Variants in DNAH5 observed in about 807,000 individuals in gnomAD.
DNAH5 encodes the protein dynein axonemal heavy chain 5.
Under a neutral mutation model 518.2 loss-of-function variants are expected in DNAH5, and 372 were observed. That is an observed-to-expected ratio of 0.72 (90% CI 0.66 to 0.78). The LOEUF is 0.78. Ranked by LOEUF, DNAH5 falls within the 30% of genes least tolerant of loss-of-function variation. DNAH5 has a pLI of 0.00. For synonymous variants in DNAH5, 2,039 were observed against 2,025.9 expected (o/e 1.01, Z -0.17); for missense variants, 5,523 against 5,687.0 (o/e 0.97, Z 0.93).
intron 1 of DNAH5, among the ~76,000 whole-genome samples, chr5:13,931,575 A>G (rs1297535263): frequency 2.6e-5 from 4 of 152,232 alleles, no homozygotes; most frequent in African/African-American, 9.6e-5. Context: ...CAGAATATCA[A>G]AAAAAGAGAT....
intron 1 of DNAH5, among the ~76,000 whole-genome samples, chr5:13,980,242 C>A (rs992511849): frequency 6.6e-6 from 1 of 152,080 alleles, no homozygotes; most frequent in Non-Finnish European, 1.5e-5. Flanking sequence ...ACCCCTCAGA[C>A]CTTTAAGGTT....
At chr5:13,699,295 C>T (rs887097844) in intron 78 of DNAH5, among the ~76,000 whole-genome samples, 7 of 152,146 alleles carry the variant, frequency 4.6e-5, no homozygotes, top group South Asian at 2.1e-4. Flanking sequence ...TTACTTACTA[C>T]GGGTCTCCTT....
intron 41 of DNAH5, among the ~76,000 whole-genome samples, chr5:13,818,208 T>G (rs1305837318): frequency 6.6e-6 from 1 of 152,246 alleles, no homozygotes; most frequent in East Asian, 1.9e-4. Flanking sequence ...TTCAAATCTT[T>G]CACACCCTAA....
intron 52 of DNAH5, 52 bp downstream of exon 52, chr5:13,786,127 A>C: frequency 6.3e-7 from 1 of 1,582,700 alleles, no homozygotes; most frequent in Non-Finnish European, 8.7e-7. Flanking sequence ...CCATGGTGTG[A>C]AGCCAAATGT....
chr5:13,947,351 T>A (rs375951494), upstream of DNAH5, among the ~76,000 whole-genome samples: 1 of 152,252 alleles, frequency 6.6e-6, no homozygotes, highest in Admixed American at 6.5e-5. Flanking sequence ...AATAGAAAAG[T>A]GCAACTTTGG....
At chr5:13,876,071 T>C (rs1051630033) in intron 22 of DNAH5, among the ~76,000 whole-genome samples, 2 of 152,160 alleles carry the variant, frequency 1.3e-5, no homozygotes, top group Admixed American at 6.5e-5. Context: ...TAAAAGATGA[T>C]TTCAGGGTTT....
intron 32 of DNAH5, among the ~76,000 whole-genome samples, chr5:13,843,133 C>T (rs1040688250): frequency 2.6e-5 from 4 of 152,270 alleles, no homozygotes; most frequent in African/African-American, 9.6e-5. Context: ...GATTTTTGAA[C>T]CATTAAAATC....
At chr5:13,941,807 A>C (rs1342981358) in intron 1 of DNAH5, among the ~76,000 whole-genome samples, 1 of 152,248 alleles carries the variant, frequency 6.6e-6, no homozygotes, top group Non-Finnish European at 1.5e-5. Context: ...AACAGGAACA[A>C]CACACATTCC....
intron 16 of DNAH5, among the ~76,000 whole-genome samples, chr5:13,894,025 G>A (rs1316715329): frequency 6.6e-6 from 1 of 151,500 alleles, no homozygotes; most frequent in East Asian, 1.9e-4. Context: ...AAGGAATTCT[G>A]GGAAATGCCA....
At chr5:13,756,797 T>G (rs1304365708) in intron 61 of DNAH5, among the ~76,000 whole-genome samples, 2 of 152,234 alleles carry the variant, frequency 1.3e-5, no homozygotes, top group African/African-American at 2.4e-5. Flanking sequence ...GATTTTTTCA[T>G]CACCCAGGTA....
intron 1 of DNAH5, among the ~76,000 whole-genome samples, chr5:13,956,788 T>C (rs1780792093): frequency 6.6e-6 from 1 of 152,218 alleles, no homozygotes; most frequent in South Asian, 2.1e-4. Context: ...GATTATCAAA[T>C]GGGATAGAAT....
At chr5:13,972,012 T>C (rs1781905627) in intron 1 of DNAH5, among the ~76,000 whole-genome samples, 1 of 151,900 alleles carries the variant, frequency 6.6e-6, no homozygotes, top group African/African-American at 2.4e-5. Flanking sequence ...CTGTGGAGGA[T>C]GGGGGTGTGG....
At chr5:13,803,049 A>C (rs5020720) in intron 47 of DNAH5, among the ~76,000 whole-genome samples, 30,578 of 150,674 alleles carry the variant, frequency 0.2, 3,334 homozygotes, top group East Asian at 0.54. Flanking sequence ...TATATATGAA[A>C]GCAATTCATG....
rs758611473 is a variant in DNAH5 at position 13,809,058 on chromosome 5, C to T, written c.7738G>A (p.Ala2580Thr). The T allele has an allele frequency of 1.7e-5, 27 of 1,614,174 alleles. No homozygotes were observed. The highest frequency in any genetic ancestry group is 1.6e-4 in the Middle Eastern group (1 of 6,062). The change falls in exon 46 of 79, where the codon GCT becomes ACT. Residue 2580 changes from alanine (A) to threonine (T), a missense_variant. By Grantham distance (58) the Ala-to-Thr change is moderately conservative. Transcript: ENST00000265104. Reference protein sequence around the residue: ...VRTDFLIQTIAKQGKAVLLIG... With the variant: ...VRTDFLIQTITKQGKAVLLIG... ...AAAAGTCATACCTTGCCCTGTTTAG[C>T]AATGGTTTGAATTAGAAAGTCAGTC...
intron 1 of DNAH5, among the ~76,000 whole-genome samples, chr5:13,984,517 T>C (rs1457546707): frequency 1.3e-5 from 2 of 152,230 alleles, no homozygotes; most frequent in Admixed American, 6.5e-5. Context: ...GAATACCCTT[T>C]ATTTCTTTCT....
At chr5:13,787,583 C>T (rs1756262080) in intron 51 of DNAH5, among the ~76,000 whole-genome samples, 1 of 151,958 alleles carries the variant, frequency 6.6e-6, no homozygotes, top group East Asian at 1.9e-4. Context: ...ATGCATTTGT[C>T]TCTAGACCCT....
rs113287525 is a variant in DNAH5 at position 13,874,859 on chromosome 5, C to T, written c.3396+1825G>A. Among the ~76,000 whole-genome samples, 1,355 of 152,156 alleles carry T rather than the reference C, an allele frequency of 8.9e-3. 17 individuals carry two copies. The highest frequency in any genetic ancestry group is 0.03 in the African/African-American group (1,249 of 41,516). Reference sequence around the variant, plus strand: ...GCCAGGTTGTGTTAGAAGTTGATGACCAACCTATGGGCATGCTAAAGGCAG... The same window carrying T: ...GCCAGGTTGTGTTAGAAGTTGATGATCAACCTATGGGCATGCTAAAGGCAG... On this transcript the variant is annotated intron_variant, in intron 22 of 78. Coordinates refer to ENST00000265104, the MANE Select transcript of DNAH5 (RefSeq NM_001369.3).
At chr5:13,883,469 G>A (rs562754992) in intron 19 of DNAH5, among the ~76,000 whole-genome samples, 14 of 151,978 alleles carry the variant, frequency 9.2e-5, no homozygotes, top group Non-Finnish European at 1.6e-4. Flanking sequence ...CAAGACTATC[G>A]GCATAAGCCA....
chr5:13,959,326 G>A (rs545483196), intron 1 of DNAH5, among the ~76,000 whole-genome samples: 2 of 152,198 alleles, frequency 1.3e-5, no homozygotes, highest in African/African-American at 2.4e-5. Context: ...TGAATATAAT[G>A]AATCCCACTG....
Sources: allele counts gnomAD v4.1 joint callset (sites outside exome capture counted in the v4.1 genomes callset), GRCh38; gene constraint gnomAD v4.1.1; transcripts MANE v1.5; gene names NCBI Gene and HGNC (gene_info 2026-07-23, HGNC 2026-07-21).